Variants in SHROOM4 observed in about 807,000 individuals in gnomAD.
SHROOM4 encodes the protein protein Shroom4.
In SHROOM4, 17 loss-of-function variants were observed where a neutral mutation model predicts 80.3. That is an observed-to-expected ratio of 0.21 (90% CI 0.14 to 0.32). The LOEUF is 0.32. Ranked by LOEUF, SHROOM4 falls within the 10% of genes least tolerant of loss-of-function variation. The pLI, the probability that SHROOM4 is intolerant of heterozygous loss-of-function variation, is 1.00. For missense variants in SHROOM4, 993 were observed against 1,140.3 expected (o/e 0.87, Z 1.86); for synonymous variants, 400 against 437.5 (o/e 0.91, Z 1.07).
Position 50,587,183 on chromosome X carries a change from G to A in SHROOM4, c.*9512C>T, listed in dbSNP as rs112370891. Among the ~76,000 whole-genome samples the A allele has an allele frequency of 8.1e-3, 904 of 111,643 alleles. 17 individuals are homozygous for A. Among genetic ancestry groups the A allele is most frequent in the African/African-American group, 0.028 (857 of 30,743 alleles). ...TGTTTCACTTAGCATAATACCCTCC[G>A]GGTTCATCCATTTTGTCATAAATAG... On this transcript the variant is annotated 3_prime_UTR_variant, in exon 9 of 9. Transcript: ENST00000376020.
Position 50,607,301 on chromosome X carries a change from A to G in SHROOM4, c.3761+80T>C. ...TTAACTGGCCAGCCTGAGGTCATCCAGTTAGTAAATAGTGGAGGTAAAATT... is the reference window on the plus strand; with the variant it reads ...TTAACTGGCCAGCCTGAGGTCATCCGGTTAGTAAATAGTGGAGGTAAAATT... On this transcript the variant is annotated intron_variant, in intron 6 of 8. Transcript: ENST00000376020. 6 of 1,095,550 alleles carry G rather than the reference A, an allele frequency of 5.5e-6. 1 individual carries two copies. In the South Asian group the frequency reaches 7.7e-5, roughly 14 times the overall value. 90.3% of individuals were successfully genotyped at this position (1,095,550 alleles called of 1,213,427 possible). A position where few individuals can be genotyped will look rare whatever the true frequency, so the allele number is the denominator to read the frequency against.
intron 1 of SHROOM4, among the ~76,000 whole-genome samples, chrX:50,756,861 G>T (rs1342282350): frequency 9.0e-6 from 1 of 111,724 alleles, no homozygotes; most frequent in Non-Finnish European, 1.9e-5. Context: ...TGAGTTGTAA[G>T]AGGCTTTATA....
rs373299232 is a variant in SHROOM4 at position 50,663,435 on chromosome X, C to T, written c.270-25127G>A. Among the ~76,000 whole-genome samples, 12 of 110,898 alleles carry T rather than the reference C, an allele frequency of 1.1e-4. No individual in the cohort carries two copies. The South Asian group carries it at 2.3e-3, about 21-fold the overall frequency. On this transcript the variant is annotated intron_variant, in intron 2 of 8. Coordinates refer to ENST00000376020, the MANE Select transcript of SHROOM4 (RefSeq NM_020717.5). ...CCTACTGTCACTGCTCCCTGTACTA[C>T]ATAAGCAATTGTGTAGCATGAGCTC... is the stretch of plus-strand genomic sequence containing the variant.
At chrX:50,610,352 T>TCTCTCTCTCTCACA (rs782591424) in intron 5 of SHROOM4, among the ~76,000 whole-genome samples, 1 of 91,720 alleles carries the variant, frequency 1.1e-5, no homozygotes, top group African/African-American at 4.6e-5. Flanking sequence ...TCTCTCTCTC[T>TCTCTCTCTCTCACA]CACACACACA....
chrX:50,807,912 A>G (rs919811567), intron 1 of SHROOM4, among the ~76,000 whole-genome samples: 2 of 111,687 alleles, frequency 1.8e-5, no homozygotes, highest in Non-Finnish European at 3.8e-5. Context: ...GGCCGCCAGA[A>G]AGAGCCAAAG....
intron 2 of SHROOM4, among the ~76,000 whole-genome samples, chrX:50,650,324 C>G (rs1931992603): frequency 8.9e-6 from 1 of 111,806 alleles, no homozygotes; most frequent in African/African-American, 3.3e-5. Flanking sequence ...AGATTTTATA[C>G]ACCACACATG....
chrX:50,600,849 A>G (rs797027285), intron 7 of SHROOM4, among the ~76,000 whole-genome samples: 2 of 112,260 alleles, frequency 1.8e-5, no homozygotes, highest in Non-Finnish European at 3.8e-5. Flanking sequence ...ATAAGGCAAC[A>G]CAATTAGATG....
chrX:50,779,065 A>G (rs960280514), intron 1 of SHROOM4, among the ~76,000 whole-genome samples: 7 of 112,163 alleles, frequency 6.2e-5, no homozygotes, highest in African/African-American at 2.3e-4. Context: ...GGTAATTATA[A>G]TAAGTATTTC....
intron 1 of SHROOM4, among the ~76,000 whole-genome samples, chrX:50,790,794 A>G (rs1395697927): frequency 9.0e-6 from 1 of 111,609 alleles, no homozygotes; most frequent in Non-Finnish European, 1.9e-5. Context: ...AATTACCTCA[A>G]CAAAATAAAG....
chrX:50,620,630 C>T (rs1189224456), intron 5 of SHROOM4, among the ~76,000 whole-genome samples: 1 of 111,888 alleles, frequency 8.9e-6, no homozygotes, highest in Non-Finnish European at 1.9e-5. Flanking sequence ...TTTCCAGAAG[C>T]ACGTTTCCTC....
intron 5 of SHROOM4, among the ~76,000 whole-genome samples, chrX:50,614,358 G>A (rs1050543510): frequency 1.7e-4 from 19 of 111,644 alleles, no homozygotes; most frequent in Non-Finnish European, 3.8e-5. Context: ...GATATACTGG[G>A]AAAAATATTT....
rs189152219 is a variant in SHROOM4, at chrX:50,728,187, G to A, written c.118-32250C>T. Among the ~76,000 whole-genome samples, 91 of 110,313 alleles carry A rather than the reference G, an allele frequency of 8.2e-4. 2 individuals carry two copies. The East Asian group carries it at 0.024, about 29-fold the overall frequency. ...ATCCTGGCTAACACGGTGAAACCCC[G>A]TCTCTACTAAAAATACAAAAAATTA... On this transcript the variant is annotated intron_variant, in intron 1 of 8. Coordinates refer to ENST00000376020, the MANE Select transcript of SHROOM4 (RefSeq NM_020717.5).
intron 2 of SHROOM4, among the ~76,000 whole-genome samples, chrX:50,682,057 G>A (rs1384321527): frequency 1.8e-5 from 2 of 111,409 alleles, no homozygotes; most frequent in Non-Finnish European, 1.9e-5. Context: ...CTGTCTACTC[G>A]TCCTTTATAT....
intron 2 of SHROOM4, among the ~76,000 whole-genome samples, chrX:50,663,501 C>T (rs1932582478): frequency 1.8e-5 from 2 of 109,837 alleles, no homozygotes; most frequent in Non-Finnish European, 3.8e-5. Context: ...CCACAAATTC[C>T]AATCTCATAC....
At position 50,594,248 on chromosome X, in the gene SHROOM4, C is replaced by T. The variant is rs1173257936; in HGVS notation, c.*2447G>A. The T allele has an allele frequency of 8.9e-6, 1 of 112,055 alleles. No homozygotes were observed. The highest frequency in any genetic ancestry group is 3.2e-5 in the African/African-American group (1 of 30,820). The allele number at this position is 112,055 out of a possible 1,213,427, so 9.2% of individuals were successfully genotyped here. A position where few individuals can be genotyped will look rare whatever the true frequency, so the allele number is the denominator to read the frequency against. ...GGCAGTGTTGCAGCACCGTCACACACAATGAGACTGCCCTGGCAGGAGTGT... is the reference window on the plus strand; with the variant it reads ...GGCAGTGTTGCAGCACCGTCACACATAATGAGACTGCCCTGGCAGGAGTGT... On this transcript the variant is annotated 3_prime_UTR_variant, in exon 9 of 9. Coordinates refer to ENST00000376020, the MANE Select transcript of SHROOM4 (RefSeq NM_020717.5).
chrX:50,775,639 T>A (rs1478634188), intron 1 of SHROOM4, among the ~76,000 whole-genome samples: 4 of 111,843 alleles, frequency 3.6e-5, no homozygotes, highest in African/African-American at 1.3e-4. Flanking sequence ...GTAAGGGGGA[T>A]GTTGAAGAAA....
At chrX:50,577,279 G>A in the SHROOM4 span, among the ~76,000 whole-genome samples, 1 of 112,623 alleles carries the variant, frequency 8.9e-6, no homozygotes, top group Admixed American at 9.4e-5. Context: ...AGCCCTTGCA[G>A]GGCTACAGTC....
At chrX:50,800,262 C>T (rs781846967) in intron 1 of SHROOM4, among the ~76,000 whole-genome samples, 3 of 111,943 alleles carry the variant, frequency 2.7e-5, no homozygotes, top group Non-Finnish European at 5.6e-5. Context: ...TTACCAATCA[C>T]GGAGTAAAAA....
In SHROOM4 at chrX:50,591,614, T is replaced by C. The variant is rs1557245414; in HGVS notation, c.*5081A>G. On this transcript the variant is annotated 3_prime_UTR_variant, in exon 9 of 9. Coordinates refer to ENST00000376020, the MANE Select transcript of SHROOM4 (RefSeq NM_020717.5). The stretch of plus-strand genomic sequence containing the variant: ...CAGTGTAAAAGTTTCGCACTTCTTT[T>C]GTTAAATTATTCCTAAGTACTTTTT... The C allele has an allele frequency of 3.5e-6, 1 of 287,847 alleles. No individual in the cohort carries two copies. The allele number at this position is 287,847 out of a possible 1,213,427, so 23.7% of individuals were successfully genotyped here.
Sources: allele counts gnomAD v4.1 joint callset (sites outside exome capture counted in the v4.1 genomes callset), GRCh38; gene constraint gnomAD v4.1.1; transcripts MANE v1.5; gene names NCBI Gene and HGNC (gene_info 2026-07-23, HGNC 2026-07-21).